Variants in CNTN6 observed in about 807,000 individuals in gnomAD.
CNTN6 encodes contactin-6.
CNTN6 carries 137 observed loss-of-function variants against 122.8 expected under a neutral mutation model. The observed-to-expected ratio is 1.12, with a 90% CI of 0.97 to 1.29. The LOEUF is 1.29. Ranked by LOEUF, CNTN6 falls within the 50% of genes most tolerant of loss-of-function variation. CNTN6 has a pLI of 0.00. For missense variants in CNTN6, 1,634 were observed against 1,223.4 expected (o/e 1.34, Z -5.01); for synonymous variants, 570 against 426.0 (o/e 1.34, Z -4.16).
intron 4 of CNTN6, among the ~76,000 whole-genome samples, chr3:1,231,678 G>A (rs1311605570): frequency 6.6e-6 from 1 of 152,192 alleles, no homozygotes; most frequent in Non-Finnish European, 1.5e-5. Context: ...AAGTCATTCA[G>A]TTCTCTGGAT....
chr3:1,402,239 C>A, intron 21 of CNTN6, 79 bp from the exon 22 acceptor site: 1 of 1,120,500 alleles, frequency 8.9e-7, no homozygotes, highest in Non-Finnish European at 1.3e-6. Flanking sequence ...TATCTTATGT[C>A]TTACAGTGTT....
chr3:1,275,013 C>T lies in CNTN6; in HGVS notation c.359-3400C>T, dbSNP rs546976176. The stretch of plus-strand genomic sequence containing the variant: ...ATTTGAAACCAGCACCAAAAACTTT[C>T]TCATCTAACCCAGCAAAAACTCTGC... On this transcript the variant is annotated intron_variant, in intron 4 of 22. Transcript: ENST00000446702. 7.9e-5 allele frequency among the ~76,000 whole-genome samples: 12 copies of T among 152,300 alleles called. No individual in the cohort carries two copies. In the South Asian group the frequency reaches 2.5e-3, roughly 32 times the overall value.
intron 1 of CNTN6, among the ~76,000 whole-genome samples, chr3:1,144,710 C>T (rs1235604713): frequency 1.4e-5 from 2 of 140,338 alleles, no homozygotes; most frequent in Non-Finnish European, 3.2e-5. Flanking sequence ...CTTCTTGGCT[C>T]AGGTAAGATG....
At chr3:1,173,459 C>G (rs1337042586) in intron 2 of CNTN6, 2 of 351,006 alleles carry the variant, frequency 5.7e-6, no homozygotes, top group African/African-American at 2.1e-5. Context: ...ATTATAATCT[C>G]CATTTAGATA....
intron 4 of CNTN6, among the ~76,000 whole-genome samples, chr3:1,262,976 TCAACTC>T (rs1340735256): frequency 6.6e-6 from 1 of 152,130 alleles, no homozygotes; most frequent in East Asian, 1.9e-4. Flanking sequence ...ATCGTTTAAA[TCAACTC>T]CAAGTCTTTG....
intron 2 of CNTN6, among the ~76,000 whole-genome samples, chr3:1,173,828 A>G (rs1213838057): frequency 5.9e-5 from 9 of 151,910 alleles, no homozygotes; most frequent in Admixed American, 5.9e-4. Flanking sequence ...CTGATCTCAG[A>G]TATGCCACTA....
At chr3:1,240,568 G>T (rs148108967) in intron 4 of CNTN6, among the ~76,000 whole-genome samples, 2,384 of 152,280 alleles carry the variant, frequency 0.016, 67 homozygotes, top group African/African-American at 0.055. Context: ...GTTTTACACT[G>T]TTGGTGGGAA....
At position 1,308,952 on chromosome 3, in the gene CNTN6, A is replaced by G. The variant is rs1255036604; in HGVS notation, c.761+10961A>G. Among the ~76,000 whole-genome samples, 2 of 152,098 alleles carry G rather than the reference A, an allele frequency of 1.3e-5. 1 individual carries two copies. On this transcript the variant is annotated intron_variant, in intron 7 of 22. Coordinates refer to ENST00000446702, the MANE Select transcript of CNTN6 (RefSeq NM_001289080.2). ...ATCTTCTTTAGTAAGACGTCTGCTT[A>G]TATCTTTTCTACATTTTTAATTGGT...
intron 17 of CNTN6, among the ~76,000 whole-genome samples, chr3:1,378,287 G>C (rs2126161373): frequency 6.6e-6 from 1 of 152,034 alleles, no homozygotes; most frequent in East Asian, 1.9e-4. Flanking sequence ...AAATTTCTCA[G>C]ACATTTGTCA....
chr3:1,323,985 C>A (rs1324398173), intron 8 of CNTN6, among the ~76,000 whole-genome samples: 1 of 141,188 alleles, frequency 7.1e-6, no homozygotes, highest in South Asian at 2.1e-4. Flanking sequence ...TATGAGCATG[C>A]ATTTATTTTC....
intron 20 of CNTN6, among the ~76,000 whole-genome samples, chr3:1,390,126 C>T (rs1172826749): frequency 6.7e-6 from 1 of 150,072 alleles, no homozygotes; most frequent in Non-Finnish European, 1.5e-5. Context: ...AGCACCACAC[C>T]ACACCTATTC....
rs562235145 is a variant in CNTN6, at chr3:1,234,874, T to A, written c.358+6881T>A. Among the ~76,000 whole-genome samples, 12 of 152,336 alleles carry A rather than the reference T, an allele frequency of 7.9e-5. No individual in the cohort carries two copies. In the South Asian group the frequency reaches 2.5e-3, roughly 32 times the overall value. On this transcript the variant is annotated intron_variant, in intron 4 of 22. Coordinates refer to ENST00000446702, the MANE Select transcript of CNTN6 (RefSeq NM_001289080.2). ...AATGAAATAACAGCATAACCACCAA[T>A]TGTTATCATATCAAGGAGAAAACTT...
At chr3:1,258,758 G>A (rs994347128) in intron 4 of CNTN6, among the ~76,000 whole-genome samples, 2 of 152,032 alleles carry the variant, frequency 1.3e-5, no homozygotes, top group African/African-American at 4.8e-5. Context: ...GGTTTTATCT[G>A]CTCCATGGGG....
chr3:1,280,124 A>G (rs1693112234), intron 5 of CNTN6, among the ~76,000 whole-genome samples: 3 of 152,220 alleles, frequency 2.0e-5, no homozygotes, highest in Non-Finnish European at 4.4e-5. Flanking sequence ...GATGTTATTC[A>G]AATATTCTTG....
chr3:1,304,843 A>T (rs1698074653), intron 7 of CNTN6, among the ~76,000 whole-genome samples: 1 of 151,666 alleles, frequency 6.6e-6, no homozygotes, highest in Admixed American at 6.6e-5. Flanking sequence ...AAATACAAAA[A>T]ATTAGCCGGG....
intron 17 of CNTN6, among the ~76,000 whole-genome samples, chr3:1,381,230 G>A (rs1213714625): frequency 2.0e-5 from 3 of 152,104 alleles, no homozygotes; most frequent in Non-Finnish European, 4.4e-5. Context: ...AAGTAGCATC[G>A]ATTCTTATAA....
chr3:1,293,757 C>G (rs1244171315), intron 5 of CNTN6, among the ~76,000 whole-genome samples: 1 of 152,128 alleles, frequency 6.6e-6, no homozygotes, highest in Non-Finnish European at 1.5e-5. Context: ...CCCTGAGTAC[C>G]TATATACTCC....
chr3:1,172,782 C>T (rs2125302896), intron 2 of CNTN6, among the ~76,000 whole-genome samples: 1 of 152,272 alleles, frequency 6.6e-6, no homozygotes, highest in East Asian at 1.9e-4. Context: ...AACTCATATA[C>T]ACGAGAGCAA....
rs146001791 is a variant in CNTN6, at chr3:1,126,783, A to T, written c.-82-21144A>T. ...AGAAAGTCATAATCTTTACATTCAGAGTTACTTCCTGTGTCCCTTCAACGT... is the reference window on the plus strand; with the variant it reads ...AGAAAGTCATAATCTTTACATTCAGTGTTACTTCCTGTGTCCCTTCAACGT... On this transcript the variant is annotated intron_variant, in intron 1 of 22. Coordinates refer to ENST00000446702, the MANE Select transcript of CNTN6 (RefSeq NM_001289080.2). Among the ~76,000 whole-genome samples the T allele has an allele frequency of 4.9e-3, 745 of 151,986 alleles. 4 individuals carry two copies. The highest frequency in any genetic ancestry group is 8.2e-3 in the Non-Finnish European group (558 of 67,868).
Sources: allele counts gnomAD v4.1 joint callset (sites outside exome capture counted in the v4.1 genomes callset), GRCh38; gene constraint gnomAD v4.1.1; transcripts MANE v1.5; gene names NCBI Gene and HGNC (gene_info 2026-07-23, HGNC 2026-07-21).